The following GPC6 variants were observed in gnomAD, a reference collection of about 807,000 sequenced individuals.
The protein encoded by GPC6 is glypican 6.
Under a neutral mutation model 55.2 loss-of-function variants are expected in GPC6, and 14 were observed. The ratio of observed to expected loss-of-function variants is 0.25; its 90% CI spans 0.17 to 0.40. The LOEUF (loss-of-function observed/expected upper bound fraction) is 0.40. Ranked by LOEUF, GPC6 falls within the 10% of genes least tolerant of loss-of-function variation. The probability of loss-of-function intolerance (pLI) is 1.00; values close to 1 mark genes in which losing one functional copy is unlikely to be tolerated. For missense variants in GPC6, 641 were observed against 708.5 expected (o/e 0.90, Z 1.08); for synonymous variants, 278 against 259.6 (o/e 1.07, Z -0.68).
chr13:93,610,026 G>C (rs568186669), intron 2 of GPC6, among the ~76,000 whole-genome samples: 6 of 152,160 alleles, frequency 3.9e-5, no homozygotes, highest in Non-Finnish European at 8.8e-5. Context: ...GCTGTTTCCT[G>C]TGACCCTGTC....
At chr13:94,321,560 A>G (rs1285604599) in intron 6 of GPC6, among the ~76,000 whole-genome samples, 1 of 152,160 alleles carries the variant, frequency 6.6e-6, no homozygotes, top group Non-Finnish European at 1.5e-5. Context: ...CCTTTTCTCC[A>G]CAACCTCACC....
intron 1 of GPC6, among the ~76,000 whole-genome samples, chr13:93,438,941 C>T (rs2139285278): frequency 6.6e-6 from 1 of 152,242 alleles, no homozygotes; most frequent in East Asian, 1.9e-4. Flanking sequence ...CCAGCAACCA[C>T]TTCCCTGATC....
chr13:94,111,512 A>G (rs1229393203), intron 4 of GPC6, among the ~76,000 whole-genome samples: 1 of 141,380 alleles, frequency 7.1e-6, no homozygotes, highest in Admixed American at 7.1e-5. Context: ...TAATAATAAT[A>G]AACTTCTTAA....
intron 1 of GPC6, among the ~76,000 whole-genome samples, chr13:93,446,698 A>C (rs1878017936): frequency 6.6e-6 from 1 of 152,186 alleles, no homozygotes; most frequent in African/African-American, 2.4e-5. Flanking sequence ...TTGAGGTAAC[A>C]ATGTGACTGA....
chr13:94,300,697 T>C (rs1400315464), intron 5 of GPC6, among the ~76,000 whole-genome samples: 1 of 152,172 alleles, frequency 6.6e-6, no homozygotes, highest in Non-Finnish European at 1.5e-5. Context: ...TCCCGAATTA[T>C]CTAATTATCA....
At chr13:94,015,984 A>G (rs1882451037) in intron 3 of GPC6, among the ~76,000 whole-genome samples, 1 of 152,208 alleles carries the variant, frequency 6.6e-6, no homozygotes. Flanking sequence ...GTACATCTCT[A>G]GAATATTTCC....
intron 3 of GPC6, among the ~76,000 whole-genome samples, chr13:93,853,826 G>T (rs925389168): frequency 6.6e-6 from 1 of 150,942 alleles, no homozygotes; most frequent in Non-Finnish European, 1.5e-5. Flanking sequence ...TTGTGTTATT[G>T]TTGTCCTCAC....
At chr13:93,701,708 T>C (rs911009367) in intron 2 of GPC6, among the ~76,000 whole-genome samples, 2 of 152,040 alleles carry the variant, frequency 1.3e-5, no homozygotes, top group African/African-American at 4.8e-5. Context: ...AATCCTCCAT[T>C]GTCATCTCAA....
intron 4 of GPC6, among the ~76,000 whole-genome samples, chr13:94,136,186 C>CTTTT (rs11321467): frequency 7.2e-6 from 1 of 138,912 alleles, no homozygotes. Context: ...AGTTTAGCAT[C>CTTTT]TTTTTTTTTT....
chr13:94,191,009 A>T (rs889330396), intron 4 of GPC6, among the ~76,000 whole-genome samples: 3 of 152,190 alleles, frequency 2.0e-5, no homozygotes, highest in African/African-American at 7.2e-5. Flanking sequence ...CAAAATGTTA[A>T]CAATAGGTGA....
chr13:93,543,695 T>C (rs967584467), intron 1 of GPC6, among the ~76,000 whole-genome samples: 3 of 152,166 alleles, frequency 2.0e-5, no homozygotes, highest in South Asian at 4.1e-4. Flanking sequence ...TGTGTACTTA[T>C]GCCACATTTT....
chr13:94,170,063 G>A (rs1417015775), intron 4 of GPC6, among the ~76,000 whole-genome samples: 2 of 152,036 alleles, frequency 1.3e-5, no homozygotes, highest in Non-Finnish European at 2.9e-5. Flanking sequence ...TACTGTTGGA[G>A]GCAAGAAAAG....
chr13:93,562,653 T>A (rs1338255470), intron 2 of GPC6, among the ~76,000 whole-genome samples: 2 of 152,202 alleles, frequency 1.3e-5, no homozygotes, highest in African/African-American at 4.8e-5. Context: ...AAAAGCTCCT[T>A]TGTTTCCTTG....
At chr13:93,960,913 T>C (rs1057197999) in intron 3 of GPC6, among the ~76,000 whole-genome samples, 48 of 150,930 alleles carry the variant, frequency 3.2e-4, no homozygotes, top group African/African-American at 1.1e-3. Context: ...CCCAGGTTCA[T>C]GCCATTCTCC....
chr13:94,053,135 T>C (rs1264214829), intron 4 of GPC6, among the ~76,000 whole-genome samples: 1 of 152,182 alleles, frequency 6.6e-6, no homozygotes, highest in Non-Finnish European at 1.5e-5. Flanking sequence ...ATCTTAGCCA[T>C]AGAAGCATTG....
At chr13:93,881,856 A>G (rs902626412) in intron 3 of GPC6, among the ~76,000 whole-genome samples, 8 of 152,038 alleles carry the variant, frequency 5.3e-5, no homozygotes, top group Non-Finnish European at 1.2e-4. Flanking sequence ...GGCTTCCATG[A>G]TCTGCCATTT....
chr13:93,806,408 G>T (rs1886544200), intron 2 of GPC6, among the ~76,000 whole-genome samples: 2 of 152,164 alleles, frequency 1.3e-5, no homozygotes, highest in Admixed American at 6.5e-5. Context: ...CGCAGTCGCG[G>T]CTCACTGCAA....
At chr13:94,179,907 A>G (rs1006767783) in intron 4 of GPC6, among the ~76,000 whole-genome samples, 1 of 152,224 alleles carries the variant, frequency 6.6e-6, no homozygotes, top group Non-Finnish European at 1.5e-5. Flanking sequence ...AGATATTTAC[A>G]GGAACCTATC....
chr13:94,111,189 CGTT>C (rs1373677624), intron 4 of GPC6, among the ~76,000 whole-genome samples: 3 of 151,632 alleles, frequency 2.0e-5, no homozygotes, highest in African/African-American at 4.8e-5. Context: ...TGTTTTTTCT[CGTT>C]GTTATTGTAG....
Sources: gnomAD v4.1 joint callset for allele counts (sites outside exome capture counted in the v4.1 genomes callset) on GRCh38, gnomAD v4.1.1 for gene constraint, MANE v1.5 for transcripts, NCBI Gene and HGNC (gene_info 2026-07-23, HGNC 2026-07-21) for gene names.